The following NCAM2 variants were observed in gnomAD, a reference collection of about 807,000 sequenced individuals.
NCAM2 encodes the protein N-CAM-2.
A neutral mutation model predicts 98.1 loss-of-function variants in NCAM2; 30 were observed. The ratio of observed to expected loss-of-function variants is 0.31; its 90% CI spans 0.23 to 0.41. NCAM2 has a LOEUF of 0.41. Among genes scored for constraint, NCAM2 ranks in the 10% least tolerant of loss-of-function variants. NCAM2 has a pLI of 1.00. For synonymous variants in NCAM2, 368 were observed against 342.4 expected, an observed-to-expected ratio of 1.07 and a Z score of -0.83; for missense variants, 867 against 1,005.8, an observed-to-expected ratio of 0.86 and a Z score of 1.87.
At chr21:21,182,840 C>T (rs756851197) in intron 1 of NCAM2, among the ~76,000 whole-genome samples, 8 of 152,092 alleles carry the variant, frequency 5.3e-5, no homozygotes, top group African/African-American at 9.7e-5. Flanking sequence ...CTAAGATATA[C>T]GTAGGCCTCA....
intron 1 of NCAM2, among the ~76,000 whole-genome samples, chr21:21,244,518 C>T (rs567594843): frequency 2.6e-5 from 4 of 152,070 alleles, no homozygotes; most frequent in East Asian, 1.9e-4. Flanking sequence ...TTATCATATA[C>T]GTTGTATATT....
At chr21:21,463,028 C>G (rs187120804) in intron 12 of NCAM2, among the ~76,000 whole-genome samples, 1 of 152,030 alleles carries the variant, frequency 6.6e-6, no homozygotes, top group Non-Finnish European at 1.5e-5. Context: ...TTCTGTTGTT[C>G]TGTTTGTATA....
intron 9 of NCAM2, among the ~76,000 whole-genome samples, chr21:21,395,316 G>A (rs113822578): frequency 1.6e-4 from 25 of 152,144 alleles, no homozygotes; most frequent in East Asian, 9.7e-4. Flanking sequence ...GCCCACAGCC[G>A]GGACAGCAGA....
intron 1 of NCAM2, among the ~76,000 whole-genome samples, chr21:21,087,652 C>G (rs1156897758): frequency 6.6e-6 from 1 of 152,120 alleles, no homozygotes; most frequent in East Asian, 1.9e-4. Flanking sequence ...GTTGGGACCA[C>G]TGGGAGATAT....
chr21:21,505,769 T>C (rs1987942875), intron 15 of NCAM2, among the ~76,000 whole-genome samples: 1 of 151,928 alleles, frequency 6.6e-6, no homozygotes, highest in African/African-American at 2.4e-5. Flanking sequence ...TTTTATAATA[T>C]TAAAATAATT....
chr21:21,176,382 G>A (rs2068290750), intron 1 of NCAM2, among the ~76,000 whole-genome samples: 1 of 152,070 alleles, frequency 6.6e-6, no homozygotes, highest in South Asian at 2.1e-4. Context: ...ATATATAGTT[G>A]AAATATCCTC....
chr21:21,271,705 A>C (rs113526155), intron 1 of NCAM2, among the ~76,000 whole-genome samples: 1 of 152,222 alleles, frequency 6.6e-6, no homozygotes, highest in Non-Finnish European at 1.5e-5. Flanking sequence ...GAGAAAAAGG[A>C]AAGAGTTCTA....
chr21:21,103,968 C>G (rs1313993331), intron 1 of NCAM2, among the ~76,000 whole-genome samples: 1 of 152,000 alleles, frequency 6.6e-6, no homozygotes, highest in Non-Finnish European at 1.5e-5. Flanking sequence ...GTGGAATTTT[C>G]AGTGTATTGA....
chr21:21,001,592 G>A (rs1244609732), intron 1 of NCAM2, among the ~76,000 whole-genome samples: 4 of 152,078 alleles, frequency 2.6e-5, no homozygotes, highest in Non-Finnish European at 4.4e-5. Context: ...GATTGCTTTC[G>A]TGAGAGTTTT....
At chr21:21,497,332 C>G (rs1987314187) in intron 15 of NCAM2, among the ~76,000 whole-genome samples, 1 of 152,028 alleles carries the variant, frequency 6.6e-6, no homozygotes, top group African/African-American at 2.4e-5. Flanking sequence ...ACATATACCC[C>G]CTACATCAAA....
chr21:21,537,331 G>A (rs1460684091), intron 17 of NCAM2, among the ~76,000 whole-genome samples: 2 of 152,126 alleles, frequency 1.3e-5, no homozygotes, highest in Non-Finnish European at 2.9e-5. Flanking sequence ...ACAAGCATGA[G>A]CCACCACGCC....
At chr21:21,155,810 G>A (rs2067593507) in intron 1 of NCAM2, among the ~76,000 whole-genome samples, 1 of 151,862 alleles carries the variant, frequency 6.6e-6, no homozygotes, top group Non-Finnish European at 1.5e-5. Flanking sequence ...ATACAACCAT[G>A]GGAGCAAGTT....
chr21:21,206,134 A>C (rs950683788), intron 1 of NCAM2, among the ~76,000 whole-genome samples: 4 of 152,204 alleles, frequency 2.6e-5, no homozygotes, highest in African/African-American at 9.6e-5. Context: ...AATGTTAATT[A>C]AGTGAATGAA....
chr21:21,496,149 G>A (rs1470271479), intron 15 of NCAM2, among the ~76,000 whole-genome samples: 1 of 151,672 alleles, frequency 6.6e-6, no homozygotes, highest in Non-Finnish European at 1.5e-5. Context: ...TGGATTACTG[G>A]GTCAAATGGT....
chr21:21,260,574 A>AAT (rs764948488), intron 1 of NCAM2, among the ~76,000 whole-genome samples: 14 of 151,364 alleles, frequency 9.2e-5, no homozygotes, highest in Non-Finnish European at 1.9e-4. Flanking sequence ...GAAAAAAAAA[A>AAT]ATGCCAGCCA....
intron 6 of NCAM2, among the ~76,000 whole-genome samples, chr21:21,326,655 T>G (rs1199099765): frequency 1.3e-5 from 2 of 152,188 alleles, no homozygotes; most frequent in African/African-American, 2.4e-5. Flanking sequence ...ATTCAAAGAA[T>G]AATATAATGA....
chr21:21,193,783 C>T (rs1287777759), intron 1 of NCAM2, among the ~76,000 whole-genome samples: 8 of 152,150 alleles, frequency 5.3e-5, no homozygotes, highest in Admixed American at 6.5e-5. Context: ...CATGAGCCAC[C>T]GCACCTGGCC....
chr21:21,251,511 T>G (rs1011775798), intron 1 of NCAM2, among the ~76,000 whole-genome samples: 2 of 152,192 alleles, frequency 1.3e-5, no homozygotes, highest in African/African-American at 2.4e-5. Context: ...CTACATAGTA[T>G]TCCATGGTGT....
At chr21:21,062,859 G>A (rs757096445) in intron 1 of NCAM2, among the ~76,000 whole-genome samples, 1 of 152,098 alleles carries the variant, frequency 6.6e-6, no homozygotes, top group Non-Finnish European at 1.5e-5. Context: ...TGCAGAGAAA[G>A]GTGATCATAA....
Sources: allele counts gnomAD v4.1 joint callset (sites outside exome capture counted in the v4.1 genomes callset), GRCh38; gene constraint gnomAD v4.1.1; transcripts MANE v1.5; gene names NCBI Gene and HGNC (gene_info 2026-07-23, HGNC 2026-07-21).